Variants in COPG2 observed in about 807,000 individuals in gnomAD.
The protein encoded by COPG2 is coat protein complex I subunit gamma 2, also known as coatomer subunit gamma-2.
Under a neutral mutation model 46.3 loss-of-function variants are expected in COPG2, and 37 were observed. The ratio of observed to expected loss-of-function variants is 0.80; its 90% CI spans 0.61 to 1.05. The LOEUF is 1.05. Ranked by LOEUF, COPG2 falls within the 50% of genes least tolerant of loss-of-function variation. The probability of loss-of-function intolerance (pLI) is 0.00; values close to 1 mark genes in which losing one functional copy is unlikely to be tolerated. For synonymous variants in COPG2, 159 were observed against 129.7 expected, an observed-to-expected ratio of 1.23 and a Z score of -1.53; for missense variants, 427 against 387.8, an observed-to-expected ratio of 1.10 and a Z score of -0.85.
At chr7:130,616,584 C>A (rs79224473) in intron 6 of COPG2, among the ~76,000 whole-genome samples, 2 of 151,896 alleles carry the variant, frequency 1.3e-5, no homozygotes, top group Admixed American at 6.6e-5. Context: ...CACGAGACTC[C>A]GACTCAAAAA....
intron 20 of COPG2, among the ~76,000 whole-genome samples, chr7:130,529,389 CATG>C (rs1247891610): frequency 1.3e-5 from 2 of 152,068 alleles, no homozygotes; most frequent in Admixed American, 6.5e-5. Context: ...GTCCTCAAGG[CATG>C]ATGTCAGACT....
intron 4 of COPG2, among the ~76,000 whole-genome samples, chr7:130,654,383 G>T (rs905792797): frequency 6.6e-6 from 1 of 152,100 alleles, no homozygotes; most frequent in African/African-American, 2.4e-5. Flanking sequence ...CCAAAATGAG[G>T]TTCTAAAAGG....
intron 9 of COPG2, among the ~76,000 whole-genome samples, chr7:130,592,374 C>T (rs1200230899): frequency 7.1e-6 from 1 of 140,532 alleles, no homozygotes; most frequent in Non-Finnish European, 1.5e-5. Context: ...TCCCCCTCTG[C>T]GAGAAACACC....
rs1298215544 is a variant in COPG2 at position 130,506,409 on chromosome 7, G to A, written c.*267C>T. The A allele has an allele frequency of 6.3e-6, 1 of 159,342 alleles. No homozygotes were observed. Among genetic ancestry groups the A allele is most frequent in the African/African-American group, 2.7e-5 (1 of 36,670 alleles). The allele number at this position is 159,342 out of a possible 1,614,324, so 9.9% of individuals were successfully genotyped here. A position where few individuals can be genotyped will look rare whatever the true frequency, so the allele number is the denominator to read the frequency against. On this transcript the variant is annotated 3_prime_UTR_variant, in exon 24 of 24. Transcript: ENST00000425248. ...AATAAAATGAAGTTAAGCAGCTGGA[G>A]TATAGGATAGTATTTGATTTTCAAG...
chr7:130,603,600 A>C (rs567063670), intron 9 of COPG2, among the ~76,000 whole-genome samples: 1 of 151,886 alleles, frequency 6.6e-6, no homozygotes, highest in Non-Finnish European at 1.5e-5. Context: ...GCGTGCCTGC[A>C]ATCTCAGCTA....
intron 9 of COPG2, chr7:130,603,721 CAAAAAAA>C (rs782190006): frequency 1.3e-3 from 263 of 202,972 alleles, no homozygotes; most frequent in South Asian, 4.8e-3. Context: ...AACTCAGTCT[CAAAAAAA>C]AAAAAAAAAA....
chr7:130,653,857 A>C (rs560798820), intron 4 of COPG2, among the ~76,000 whole-genome samples: 104 of 152,310 alleles, frequency 6.8e-4, no homozygotes, highest in African/African-American at 2.5e-3. Flanking sequence ...CAGAAAAAAA[A>C]CACACACAGA....
chr7:130,543,491 T>C (rs943454359), intron 20 of COPG2, among the ~76,000 whole-genome samples: 6 of 152,084 alleles, frequency 3.9e-5, no homozygotes, highest in African/African-American at 1.2e-4. Context: ...CATATAGAGA[T>C]AGGTTTATGA....
chr7:130,529,969 G>C (rs1201328261), intron 20 of COPG2, among the ~76,000 whole-genome samples: 3 of 152,202 alleles, frequency 2.0e-5, no homozygotes, highest in African/African-American at 7.2e-5. Context: ...GCCTTCAAAA[G>C]TTAAGTGGGA....
chr7:130,507,421 G>C (rs1554440329), intron 22 of COPG2, 49 bp from the exon 23 acceptor site: 1 of 778,566 alleles, frequency 1.3e-6, no homozygotes, highest in Admixed American at 1.7e-5. Flanking sequence ...AAAGCACAGG[G>C]ATCTCCCTCT....
chr7:130,523,456 G>A (rs1799744222), intron 20 of COPG2, among the ~76,000 whole-genome samples: 1 of 152,238 alleles, frequency 6.6e-6, no homozygotes, highest in Non-Finnish European at 1.5e-5. Context: ...ATCACTGGTG[G>A]ATGTGGGAGG....
At chr7:130,662,904 G>T in intron 4 of COPG2, 63 bp downstream of exon 4, 1 of 970,364 alleles carries the variant, frequency 1.0e-6, no homozygotes, top group Non-Finnish European at 1.6e-6. Context: ...AACACTCTTA[G>T]TTCCCTGGGG....
Position 130,507,406 on chromosome 7 carries a change from A to C in COPG2, c.2387-34T>G, listed in dbSNP as rs377419132. The C allele has an allele frequency of 5.1e-6, 4 of 780,014 alleles. No homozygotes were observed. In the East Asian group the frequency reaches 7.3e-5, roughly 14 times the overall value. The allele number at this position is 780,014 out of a possible 1,614,324, so 48.3% of individuals were successfully genotyped here. A position where few individuals can be genotyped will look rare whatever the true frequency, so the allele number is the denominator to read the frequency against. On this transcript the variant is annotated intron_variant, in intron 22 of 23. Transcript: ENST00000425248. ...AGAAGATGTATGAGACAGTATTAGG[A>C]AAGTAAAGCACAGGGATCTCCCTCT...
intron 9 of COPG2, among the ~76,000 whole-genome samples, chr7:130,594,891 T>C (rs1260895370): frequency 2.6e-5 from 4 of 152,098 alleles, no homozygotes; most frequent in African/African-American, 7.2e-5. Context: ...TGTGGAGAAA[T>C]TGGGCTCTCA....
chr7:130,647,548 TTA>T (rs1374461816), intron 5 of COPG2, among the ~76,000 whole-genome samples: 1 of 152,090 alleles, frequency 6.6e-6, no homozygotes, highest in Non-Finnish European at 1.5e-5. Flanking sequence ...AGGTATATAA[TTA>T]ACTTTATAAG....
In COPG2 at chr7:130,507,294, G is replaced by T; in HGVS notation, c.2465C>A (p.Ser822Tyr). ...RSDKVPENKN[S>Y]HSLYLAGIFR... is the part of the protein sequence containing the mutation. Reference sequence around the variant, plus strand: ...CTTACCTGCCAGATAGAGCGAATGGGAATTCTTGTTCTCAGGTACTTTATC... The same window carrying T: ...CTTACCTGCCAGATAGAGCGAATGGTAATTCTTGTTCTCAGGTACTTTATC... Residue 822 changes from serine (S) to tyrosine (Y), a missense_variant, in exon 23 of 24, where the codon TCC becomes TAC. By Grantham distance (144) the Ser-to-Tyr change is moderately radical. Transcript: ENST00000425248. 1.3e-6 allele frequency: 1 copy of T among 780,702 alleles called. No individual in the cohort carries two copies. The highest frequency in any genetic ancestry group is 2.4e-6 in the Non-Finnish European group (1 of 417,840). The allele number at this position is 780,702 out of a possible 1,614,324, so 48.4% of individuals were successfully genotyped here. A position where few individuals can be genotyped will look rare whatever the true frequency, so the allele number is the denominator to read the frequency against.
At chr7:130,514,374 A>G (rs139334879) in intron 20 of COPG2, among the ~76,000 whole-genome samples, 48 of 152,344 alleles carry the variant, frequency 3.2e-4, no homozygotes, top group African/African-American at 1.1e-3. Flanking sequence ...CAGATGGTAG[A>G]TGAAATTTTA....
At chr7:130,521,976 G>A (rs1185254179) in intron 20 of COPG2, among the ~76,000 whole-genome samples, 2 of 152,184 alleles carry the variant, frequency 1.3e-5, no homozygotes, top group Non-Finnish European at 2.9e-5. Flanking sequence ...ATACTTAAAT[G>A]TGATTCCAAA....
intron 5 of COPG2, among the ~76,000 whole-genome samples, chr7:130,652,414 T>TTA (rs1478034785): frequency 1.3e-5 from 2 of 152,354 alleles, no homozygotes; most frequent in East Asian, 3.9e-4. Context: ...GTAAAAAATA[T>TTA]TATACCTCAT....
Sources: gnomAD v4.1 joint callset for allele counts (sites outside exome capture counted in the v4.1 genomes callset) on GRCh38, gnomAD v4.1.1 for gene constraint, MANE v1.5 for transcripts, NCBI Gene and HGNC (gene_info 2026-07-23, HGNC 2026-07-21) for gene names.